The following NINL variants were observed in gnomAD, a reference collection of about 807,000 sequenced individuals.
NINL encodes the protein ninein like, also known as ninein-like protein.
In NINL, 153 loss-of-function variants were observed where a neutral mutation model predicts 160.3. The ratio of observed to expected loss-of-function variants is 0.95; its 90% CI spans 0.84 to 1.09. The LOEUF is 1.09. NINL is among the 50% of genes least tolerant of loss of function. The probability of loss-of-function intolerance (pLI) is 0.00; values close to 1 mark genes in which losing one functional copy is unlikely to be tolerated. For missense variants in NINL, 1,829 were observed against 1,764.0 expected, an observed-to-expected ratio of 1.04 and a Z score of -0.66; for synonymous variants, 800 against 734.8, an observed-to-expected ratio of 1.09 and a Z score of -1.43.
At chr20:25,512,713 G>T in intron 4 of NINL, 121 bp downstream of exon 4, 1 of 1,273,348 alleles carries the variant, frequency 7.9e-7, no homozygotes, top group African/African-American at 1.5e-5. Flanking sequence ...GCGACTCAGG[G>T]TGCCTGAGAC....
intron 1 of NINL, among the ~76,000 whole-genome samples, chr20:25,546,659 C>A (rs1008291538): frequency 1.3e-5 from 2 of 151,946 alleles, no homozygotes; most frequent in African/African-American, 4.8e-5. Flanking sequence ...ACCTACCCTA[C>A]CCCCACCCTC....
intron 13 of NINL, 146 bp downstream of exon 13, chr20:25,489,098 T>G: frequency 1.3e-6 from 1 of 786,582 alleles, no homozygotes; most frequent in South Asian, 1.5e-5. Context: ...ACCCTAAGTC[T>G]AGGAGTGTGG....
rs1386186504 is a variant in NINL at position 25,505,031 on chromosome 20, A to C, written c.565T>G (p.Ser189Ala). 2.5e-6 allele frequency: 4 copies of C among 1,610,522 alleles called. No homozygotes were observed. The change falls in exon 6 of 24, where the codon TCC (serine) becomes GCC (alanine). Residue 189 changes from serine (S) to alanine (A), a missense_variant. By Grantham distance (99) the Ser-to-Ala change is moderately conservative. Coordinates refer to ENST00000278886, the MANE Select transcript of NINL (RefSeq NM_025176.6). The stretch of plus-strand genomic sequence containing the variant: ...GGGGTGTCAAAGGAGGGGCTGCAGG[A>C]CTTCTGGGGGCTCCCAAAGTCCTCA... ...DSEDFGSPQK[S>A]CSPSFDTPES... is the part of the protein sequence containing the mutation.
chr20:25,569,282 T>C (rs1600359427), intron 1 of NINL, among the ~76,000 whole-genome samples: 1 of 149,200 alleles, frequency 6.7e-6, no homozygotes, highest in East Asian at 2.0e-4. Flanking sequence ...AAATTAGTAA[T>C]AGAAAGATAC....
intron 9 of NINL, among the ~76,000 whole-genome samples, chr20:25,497,666 C>T (rs1002877857): frequency 6.6e-6 from 1 of 152,252 alleles, no homozygotes; most frequent in Non-Finnish European, 1.5e-5. Flanking sequence ...CTCAGCCCAA[C>T]GTCACGGGGC....
chr20:25,482,158 C>A, intron 13 of NINL, 58 bp from the exon 14 acceptor site: 1 of 1,550,826 alleles, frequency 6.4e-7, no homozygotes, highest in Non-Finnish European at 8.7e-7. Context: ...GCCCAGCGAG[C>A]TGGCCGAGCT....
chr20:25,488,166 G>C (rs1350818729), intron 13 of NINL, among the ~76,000 whole-genome samples: 4 of 152,172 alleles, frequency 2.6e-5, no homozygotes, highest in Non-Finnish European at 5.9e-5. Flanking sequence ...GCCCACATGT[G>C]GCCCAGCGGG....
chr20:25,515,920 G>A (rs140186705), intron 3 of NINL, among the ~76,000 whole-genome samples: 2,330 of 152,160 alleles, frequency 0.015, 57 homozygotes, highest in African/African-American at 0.053. Context: ...ACAGGCAACT[G>A]CCACCATGCC....
intron 13 of NINL, among the ~76,000 whole-genome samples, chr20:25,486,453 A>T (rs2063505711): frequency 6.6e-6 from 1 of 152,218 alleles, no homozygotes; most frequent in Non-Finnish European, 1.5e-5. Flanking sequence ...ATGGAAGGTT[A>T]TCTCTAGGTT....
chr20:25,565,396 G>C (rs1237558157), intron 1 of NINL, among the ~76,000 whole-genome samples: 1 of 152,024 alleles, frequency 6.6e-6, no homozygotes, highest in Admixed American at 6.6e-5. Context: ...GGAGGGAAGA[G>C]GAGGAGGAGG....
At chr20:25,464,823 G>A (rs1302064215) in intron 19 of NINL, among the ~76,000 whole-genome samples, 1 of 152,196 alleles carries the variant, frequency 6.6e-6, no homozygotes, top group African/African-American at 2.4e-5. Context: ...TCATGACTTT[G>A]ACATTTTTTG....
rs374423794 is a variant in NINL at position 25,496,813 on chromosome 20, G to A, written c.1170-10C>T. 38 of 1,613,148 alleles carry A rather than the reference G, an allele frequency of 2.4e-5. No homozygotes were observed. The highest frequency in any genetic ancestry group is 3.3e-4 in the Middle Eastern group (2 of 6,080). On this transcript the variant is annotated splice_polypyrimidine_tract_variant and intron_variant, in intron 9 of 23. Transcript: ENST00000278886. Reference sequence around the variant, plus strand: ...CTGCTCCACCTGCCCTCTGCCACAGGAAGGAGACAGGGTCAGATGGGACCC... The same window carrying A: ...CTGCTCCACCTGCCCTCTGCCACAGAAAGGAGACAGGGTCAGATGGGACCC...
intron 21 of NINL, among the ~76,000 whole-genome samples, chr20:25,459,815 A>C (rs139150622): frequency 1.3e-5 from 2 of 152,282 alleles, no homozygotes; most frequent in Admixed American, 6.5e-5. Flanking sequence ...AGAGCCATCC[A>C]GTCCTCTTCA....
rs747591414 is a variant in NINL, at chr20:25,467,471, C to T, written c.3354-13G>A. On this transcript the variant is annotated splice_polypyrimidine_tract_variant and intron_variant, in intron 18 of 23. Coordinates refer to ENST00000278886, the MANE Select transcript of NINL (RefSeq NM_025176.6). ...CTCAATTTCCTTCCTGTTGAAGAAG[C>T]ACAATTAACAGTGATACCACTTGTG... 6.2e-7 allele frequency: 1 copy of T among 1,608,018 alleles called. No individual in the cohort carries two copies. Among genetic ancestry groups the T allele is most frequent in the South Asian group, 1.1e-5 (1 of 90,956 alleles).
At position 25,489,390 on chromosome 20, in the gene NINL, C is replaced by T. The variant is rs185896351; in HGVS notation, c.1597-66G>A. 1.5e-4 allele frequency: 215 copies of T among 1,439,088 alleles called. 1 individual carries two copies. In the African/African-American group the frequency reaches 2.5e-3, roughly 16 times the overall value. The allele number at this position is 1,439,088 out of a possible 1,614,324, so 89.1% of individuals were successfully genotyped here. On this transcript the variant is annotated intron_variant, in intron 12 of 23. Transcript: ENST00000278886. Reference sequence around the variant, plus strand: ...GCCAGAGGGGGACCTGCTTCTCCAGCCCCTGGGCTCCAAGAACCTGCCCAG... The same window carrying T: ...GCCAGAGGGGGACCTGCTTCTCCAGTCCCTGGGCTCCAAGAACCTGCCCAG...
At chr20:25,497,570 G>A (rs941745033) in intron 9 of NINL, among the ~76,000 whole-genome samples, 18 of 152,342 alleles carry the variant, frequency 1.2e-4, no homozygotes, top group Non-Finnish European at 2.2e-4. Flanking sequence ...AAAACACCAC[G>A]ACAATCTTTT....
chr20:25,553,563 T>C (rs912580850), intron 1 of NINL, among the ~76,000 whole-genome samples: 1 of 152,242 alleles, frequency 6.6e-6, no homozygotes, highest in Non-Finnish European at 1.5e-5. Flanking sequence ...CAGATGCATA[T>C]TAGGCTGAAA....
chr20:25,524,239 G>A (rs1192024437), intron 2 of NINL, among the ~76,000 whole-genome samples: 5 of 152,184 alleles, frequency 3.3e-5, no homozygotes, highest in African/African-American at 1.2e-4. Flanking sequence ...GGGACAGGCA[G>A]GGAGAGGTGA....
At chr20:25,489,810 CGCCA>C in intron 12 of NINL, 61 bp downstream of exon 12, 2 of 1,400,728 alleles carry the variant, frequency 1.4e-6, no homozygotes, top group Non-Finnish European at 2.0e-6. Flanking sequence ...TGGCCACCCC[CGCCA>C]CCCCCACTCT....
Sources: gnomAD v4.1 joint callset for allele counts (sites outside exome capture counted in the v4.1 genomes callset) on GRCh38, gnomAD v4.1.1 for gene constraint, MANE v1.5 for transcripts, NCBI Gene and HGNC (gene_info 2026-07-23, HGNC 2026-07-21) for gene names.